RARS2: variants seen among roughly 807,000 people sequenced by gnomAD.
RARS2 encodes arginyl-tRNA synthetase 2, mitochondrial, also known as probable arginine--tRNA ligase, mitochondrial.
RARS2 carries 67 observed loss-of-function variants against 88.5 expected under a neutral mutation model. That is an observed-to-expected ratio of 0.76 (90% CI 0.62 to 0.93). The LOEUF is 0.93. RARS2 is among the 40% of genes least tolerant of loss of function. The pLI is 0.00. For synonymous variants in RARS2, 239 were observed against 230.3 expected (o/e 1.04, Z -0.34); for missense variants, 664 against 684.2 (o/e 0.97, Z 0.33).
intron 1 of RARS2, 190 bp downstream of exon 1, chr6:87,589,730 ACT>A: frequency 3.0e-6 from 3 of 985,302 alleles, no homozygotes; most frequent in Non-Finnish European, 3.6e-6. Flanking sequence ...ACCGAGACAA[ACT>A]GATCCCAGCC....
intron 1 of RARS2, among the ~76,000 whole-genome samples, chr6:87,574,991 AAAAG>A (rs1282869805): frequency 2.6e-5 from 4 of 152,136 alleles, no homozygotes; most frequent in Non-Finnish European, 1.5e-5. Flanking sequence ...TTAAAATACA[AAAAG>A]AATGAAGACT....
At chr6:87,543,415 G>A (rs563188625) in intron 7 of RARS2, among the ~76,000 whole-genome samples, 4 of 151,924 alleles carry the variant, frequency 2.6e-5, no homozygotes, top group Admixed American at 6.5e-5. Flanking sequence ...GCCGAGGTGG[G>A]CGAATCACTT....
intron 8 of RARS2, among the ~76,000 whole-genome samples, chr6:87,540,233 A>G (rs1023985511): frequency 6.6e-6 from 1 of 151,886 alleles, no homozygotes; most frequent in Non-Finnish European, 1.5e-5. Flanking sequence ...GCTGATCATG[A>G]GATCAGGAGT....
intron 8 of RARS2, among the ~76,000 whole-genome samples, chr6:87,533,290 G>A (rs540652291): frequency 3.2e-3 from 80 of 25,034 alleles, no homozygotes; most frequent in Non-Finnish European, 4.9e-3. Context: ...CCCTTAAAAC[G>A]TGAATATTCT....
At chr6:87,547,950 T>C (rs1188289060) in intron 6 of RARS2, among the ~76,000 whole-genome samples, 1 of 152,176 alleles carries the variant, frequency 6.6e-6, no homozygotes, top group Non-Finnish European at 1.5e-5. Flanking sequence ...AGAAATAGTC[T>C]TGTTTTAACT....
At chr6:87,573,104 C>T (rs1770300424) in intron 1 of RARS2, among the ~76,000 whole-genome samples, 1 of 152,024 alleles carries the variant, frequency 6.6e-6, no homozygotes, top group African/African-American at 2.4e-5. Flanking sequence ...CTGAGACTGG[C>T]TAATTCATGA....
Position 87,530,807 on chromosome 6 carries a change from C to G in RARS2, c.748G>C (p.Glu250Gln). 1 of 1,614,182 alleles carries G rather than the reference C, an allele frequency of 6.2e-7. No homozygotes were observed. The highest frequency in any genetic ancestry group is 8.5e-7 in the Non-Finnish European group (1 of 1,180,012). ...ACCTTGTAAACCCGAATGTACTCTT[C>G]AATGCTCAAGTCCCGAAATTTTTGC... The part of the protein sequence containing the change: ...LWQKFRDLSI[E>Q]EYIRVYKRLG... Residue 250 changes from glutamate (E) to glutamine (Q), a missense_variant, in exon 9 of 20, where the codon GAA becomes CAA. Physicochemically the swap from Glu to Gln is conservative, Grantham distance 29. Transcript: ENST00000369536.
intron 1 of RARS2, among the ~76,000 whole-genome samples, chr6:87,577,804 C>T (rs916306111): frequency 7.9e-5 from 12 of 152,110 alleles, no homozygotes; most frequent in Admixed American, 3.9e-4. Flanking sequence ...TTATGGTAGA[C>T]GGTGATGCTG....
intron 8 of RARS2, among the ~76,000 whole-genome samples, chr6:87,533,876 C>T (rs1778322360): frequency 1.3e-5 from 2 of 152,192 alleles, no homozygotes; most frequent in African/African-American, 4.8e-5. Flanking sequence ...CACATGGGCA[C>T]AGTTTAACTC....
chr6:87,589,194 T>A (rs571480693), intron 1 of RARS2, among the ~76,000 whole-genome samples: 1 of 152,298 alleles, frequency 6.6e-6, no homozygotes, highest in African/African-American at 2.4e-5. Flanking sequence ...TCTTAAAAAT[T>A]CTTTTTGATT....
intron 2 of RARS2, among the ~76,000 whole-genome samples, chr6:87,567,857 C>T (rs1371747485): frequency 2.6e-5 from 4 of 152,132 alleles, no homozygotes; most frequent in South Asian, 4.2e-4. Context: ...CTCTAACCTC[C>T]GCCTCCCCGG....
chr6:87,558,976 G>C (rs1390969367), intron 4 of RARS2, among the ~76,000 whole-genome samples: 1 of 152,238 alleles, frequency 6.6e-6, no homozygotes, highest in Admixed American at 6.5e-5. Context: ...AGTGGGACAA[G>C]ATGTGGAGGT....
chr6:87,524,406 T>G, intron 11 of RARS2, 151 bp downstream of exon 11: 1 of 706,530 alleles, frequency 1.4e-6, no homozygotes. Context: ...GTAAAATACT[T>G]TTAGTTGATT....
chr6:87,579,767 G>T (rs570140808), intron 1 of RARS2, among the ~76,000 whole-genome samples: 2 of 111,930 alleles, frequency 1.8e-5, no homozygotes, highest in Non-Finnish European at 3.3e-5. Context: ...TCGCTCTGTC[G>T]CCAGGCTGGA....
chr6:87,520,395 G>A, intron 12 of RARS2, 139 bp from the exon 13 acceptor site: 2 of 690,576 alleles, frequency 2.9e-6, no homozygotes, highest in Non-Finnish European at 2.5e-6. Context: ...TAAACACAAA[G>A]AGGATGCCAC....
Position 87,526,190 on chromosome 6 carries a change from C to A in RARS2, c.879-1538G>T, listed in dbSNP as rs567048035. 1.4e-4 allele frequency among the ~76,000 whole-genome samples: 22 copies of A among 152,192 alleles called. No homozygotes were observed. In the South Asian group the frequency reaches 4.4e-3, roughly 30 times the overall value. On this transcript the variant is annotated intron_variant, in intron 10 of 19. Transcript: ENST00000369536. ...AAAATTCATATGGAACCACAAAAAA[C>A]CTCCAAATACCCAAAGCAATATTGA...
In RARS2 at chr6:87,569,568, G is replaced by T. The variant is rs779443645; in HGVS notation, c.59C>A (p.Pro20Gln). The T allele has an allele frequency of 6.2e-7, 1 of 1,607,462 alleles. No homozygotes were observed. Among genetic ancestry groups the T allele is most frequent in the East Asian group, 2.2e-5 (1 of 44,734 alleles). The change falls in exon 2 of 20, where the codon CCA becomes CAA. Residue 20 changes from proline (P) to glutamine (Q), a missense_variant. Coordinates refer to ENST00000369536, the MANE Select transcript of RARS2 (RefSeq NM_020320.5). ...ACQLSRVLNLPPENLITSISA... is the reference protein window; with the variant it reads ...ACQLSRVLNLQPENLITSISA... Reference sequence around the variant, plus strand: ...TATTGATGTGATCAAGTTTTCTGGTGGAAGATTCAACACTCTGGAAAGCTA... The same window carrying T: ...TATTGATGTGATCAAGTTTTCTGGTTGAAGATTCAACACTCTGGAAAGCTA...
intron 1 of RARS2, among the ~76,000 whole-genome samples, chr6:87,576,851 C>A (rs1177341111): frequency 6.6e-6 from 1 of 152,022 alleles, no homozygotes; most frequent in African/African-American, 2.4e-5. Flanking sequence ...AAATAAAGCA[C>A]CCAATCAAGA....
chr6:87,536,680 T>C (rs1779288203), intron 8 of RARS2, among the ~76,000 whole-genome samples: 1 of 151,250 alleles, frequency 6.6e-6, no homozygotes, highest in African/African-American at 2.4e-5. Context: ...TACTTTTCAA[T>C]ATAAGTGGAA....
Sources: allele counts gnomAD v4.1 joint callset (sites outside exome capture counted in the v4.1 genomes callset), GRCh38; gene constraint gnomAD v4.1.1; transcripts MANE v1.5; gene names NCBI Gene and HGNC (gene_info 2026-07-23, HGNC 2026-07-21).